Variants in LRATD2 observed in about 807,000 individuals in gnomAD.
LRATD2 encodes LRAT domain containing 2.
A neutral mutation model predicts 12.0 loss-of-function variants in LRATD2; 10 were observed. The ratio of observed to expected loss-of-function variants is 0.83; its 90% CI spans 0.51 to 1.41. LRATD2 has a LOEUF of 1.41. LRATD2 is among the 40% of genes most tolerant of loss of function. The pLI is 0.00. For missense variants in LRATD2, 455 were observed against 446.1 expected, an observed-to-expected ratio of 1.02 and a Z score of -0.18; for synonymous variants, 220 against 205.8, an observed-to-expected ratio of 1.07 and a Z score of -0.59.
Position 126,557,188 on chromosome 8 carries a change from G to C in LRATD2, c.202C>G (p.Pro68Ala). The part of the protein sequence containing the change: ...GLPDGGDGPP[P>A]PQPQPYDPRL... Reference sequence around the variant, plus strand: ...GGATCGTAGGGCTGCGGCTGGGGCGGCGGCGGCCCGTCCCCACCGTCGGGC... The same window carrying C: ...GGATCGTAGGGCTGCGGCTGGGGCGCCGGCGGCCCGTCCCCACCGTCGGGC... The change falls in exon 2 of 2, where the codon CCG becomes GCG. Residue 68 changes from proline (P) to alanine (A), a missense_variant. By Grantham distance (27) the Pro-to-Ala change is conservative (BLOSUM62 -1). Coordinates refer to ENST00000304916, the MANE Select transcript of LRATD2 (RefSeq NM_174911.5). The surrounding 1 kb of genome is among the most constrained non-coding windows in gnomAD (Gnocchi z 5.3). 3 of 1,603,512 alleles carry C rather than the reference G, an allele frequency of 1.9e-6. No individual in the cohort carries two copies. The highest frequency in any genetic ancestry group is 2.6e-6 in the Non-Finnish European group (3 of 1,175,812).
rs1247959601 is a variant in LRATD2, at chr8:126,557,380, G to GGTT, written c.7_9dup (p.Asn3dup). The GGTT allele has an allele frequency of 6.2e-7, 1 of 1,613,352 alleles. No homozygotes were observed. Among genetic ancestry groups the GGTT allele is most frequent in the Non-Finnish European group, 8.5e-7 (1 of 1,179,876 alleles). On this transcript the variant is annotated inframe_insertion, in exon 2 of 2. Transcript: ENST00000304916. The surrounding 1 kb of genome is among the most constrained non-coding windows in gnomAD (Gnocchi z 5.3). ...CTTAGGTGGGTCAATTTCTCCACCT[G>GGTT]GTTGCCCATCACGCTGCGGACACAC...
Position 126,556,644 on chromosome 8 carries a change from T to G in LRATD2, c.746A>C (p.Asp249Ala), listed in dbSNP as rs898960203. The change falls in exon 2 of 2, where the codon GAC becomes GCC. Residue 249 changes from aspartate to alanine, a missense_variant. Physicochemically the swap from Asp to Ala is moderately radical, Grantham distance 126. Coordinates refer to ENST00000304916, the MANE Select transcript of LRATD2 (RefSeq NM_174911.5). This position sits in a 1 kb window ranked among gnomAD's most constrained non-coding sequence, Gnocchi z 5.6. Reference protein sequence around the residue: ...SHTLEFQSLEDLIMEKRRNDQ... With the variant: ...SHTLEFQSLEALIMEKRRNDQ... ...GTTGCGTCGCTTCTCCATGATCAGG[T>G]CCTCTAGACTCTGGAACTCGAGCGT... 2 of 1,611,858 alleles carry G rather than the reference T, an allele frequency of 1.2e-6. No individual in the cohort carries two copies. The highest frequency in any genetic ancestry group is 1.7e-6 in the Non-Finnish European group (2 of 1,179,376).
In LRATD2 at chr8:126,553,625, G is replaced by A. The variant is rs1817325914; in HGVS notation, c.*2832C>T. On this transcript the variant is annotated 3_prime_UTR_variant, in exon 2 of 2. Transcript: ENST00000304916. Reference sequence around the variant, plus strand: ...TGCCGTCTTCAGGAAAGAACCAAGAGTTGATTCATTCCCCTTTCCTGGAGC... The same window carrying A: ...TGCCGTCTTCAGGAAAGAACCAAGAATTGATTCATTCCCCTTTCCTGGAGC... 6.6e-6 allele frequency: 1 copy of A among 152,484 alleles called. No homozygotes were observed. The highest frequency in any genetic ancestry group is 1.5e-5 in the Non-Finnish European group (1 of 68,036). 9.4% of individuals were successfully genotyped at this position (152,484 alleles called of 1,614,324 possible). A position where few individuals can be genotyped will look rare whatever the true frequency, so the allele number is the denominator to read the frequency against.
chr8:126,555,824 G>A lies in LRATD2; in HGVS notation c.*633C>T, dbSNP rs946229501. ...GTAGCAAAGTCTTTGTTTGTAGCCC[G>A]AGTTTGCTTAACTATTTGTTACACT... On this transcript the variant is annotated 3_prime_UTR_variant, in exon 2 of 2. Transcript: ENST00000304916. 1 of 152,662 alleles carries A rather than the reference G, an allele frequency of 6.6e-6. No individual in the cohort carries two copies. Among genetic ancestry groups the A allele is most frequent in the African/African-American group, 2.4e-5 (1 of 41,430 alleles). The allele number at this position is 152,662 out of a possible 1,614,324, so 9.5% of individuals were successfully genotyped here.
In LRATD2 at chr8:126,554,858, C is replaced by G. The variant is rs1349414896; in HGVS notation, c.*1599G>C. The stretch of plus-strand genomic sequence containing the variant: ...CCAAGAGAGGAAAAAAAAAAAAAGA[C>G]GCCTCAAAATTCACTCAACTTTTGA... On this transcript the variant is annotated 3_prime_UTR_variant, in exon 2 of 2. Transcript: ENST00000304916. The G allele has an allele frequency of 6.7e-6, 1 of 149,632 alleles. No homozygotes were observed. Among genetic ancestry groups the G allele is most frequent in the African/African-American group, 2.5e-5 (1 of 40,732 alleles). The allele number at this position is 149,632 out of a possible 1,614,324, so 9.3% of individuals were successfully genotyped here.
rs1817424705 is a variant in LRATD2 at position 126,557,081 on chromosome 8, CGCCGCCGAGCCCGG to C, written c.295_308del (p.Pro99AlafsTer36). 2.5e-6 allele frequency: 4 copies of C among 1,610,246 alleles called. No individual in the cohort carries two copies. ...GGTTCTCGGGCGTGTAGGTACTCAGCGCCGCCGAGCCCGGCGCGAAGCTCTTCTGGTAGATGCAT... is the reference window on the plus strand; with the variant it reads ...GGTTCTCGGGCGTGTAGGTACTCAGCCGCGAAGCTCTTCTGGTAGATGCAT... On this transcript the variant is annotated frameshift_variant, in exon 2 of 2. Coordinates refer to ENST00000304916, the MANE Select transcript of LRATD2 (RefSeq NM_174911.5). LOFTEE classifies it high-confidence loss of function. The surrounding 1 kb of genome is among the most constrained non-coding windows in gnomAD (Gnocchi z 5.3).
In LRATD2 at chr8:126,557,427, G is replaced by A. The variant is rs945224835; in HGVS notation, c.-38C>T. On this transcript the variant is annotated 5_prime_UTR_variant, in exon 2 of 2. Transcript: ENST00000304916. This position sits in a 1 kb window ranked among gnomAD's most constrained non-coding sequence, Gnocchi z 5.3. ...ACACGTTCACACCGCCGCAAGGGGA[G>A]AAAGCGAAACCAACTCCAGGGTCAT... 2.8e-5 allele frequency: 45 copies of A among 1,601,966 alleles called. No individual in the cohort carries two copies. The highest frequency in any genetic ancestry group is 3.6e-5 in the Non-Finnish European group (42 of 1,175,962).
Position 126,557,544 on chromosome 8 carries a change from T to C in LRATD2, c.-96-59A>G. 1 of 816,576 alleles carries C rather than the reference T, an allele frequency of 1.2e-6. No homozygotes were observed. The highest frequency in any genetic ancestry group is 1.9e-6 in the Non-Finnish European group (1 of 524,464). 50.6% of individuals were successfully genotyped at this position (816,576 alleles called of 1,614,324 possible). On this transcript the variant is annotated intron_variant, in intron 1 of 1. Coordinates refer to ENST00000304916, the MANE Select transcript of LRATD2 (RefSeq NM_174911.5). This position sits in a 1 kb window ranked among gnomAD's most constrained non-coding sequence, Gnocchi z 5.3. ...GAGCCCCTCCGTGAAAAGGGCGTTT[T>C]GTTCCGAAAAAGAATCGGTGGGGGC...
rs1817412496 is a variant in LRATD2 at position 126,556,810 on chromosome 8, G to A, written c.580C>T (p.Arg194Cys). 6.2e-7 allele frequency: 1 copy of A among 1,600,224 alleles called. No individual in the cohort carries two copies. The highest frequency in any genetic ancestry group is 1.7e-5 in the Admixed American group (1 of 59,064). The stretch of plus-strand genomic sequence containing the variant: ...TCCGAGTTGCGCCAGCTCAGCTCGC[G>A]CTCCTTGGCACCCACGTGCGCCAGC... Reference protein sequence around the residue: ...NALAHVGAKERELSWRNSESF... With the variant: ...NALAHVGAKECELSWRNSESF... The change falls in exon 2 of 2, where the codon CGC becomes TGC. Residue 194 changes from arginine (R) to cysteine (C), a missense_variant. Arg to Cys is a radical substitution (Grantham distance 180, BLOSUM62 -3). Transcript: ENST00000304916. This position sits in a 1 kb window ranked among gnomAD's most constrained non-coding sequence, Gnocchi z 5.6.
rs1412453685 is a variant in LRATD2 at position 126,558,439 on chromosome 8, C to A, written c.-502G>T. The A allele has an allele frequency of 1.3e-5, 2 of 152,144 alleles. No individual in the cohort carries two copies. The highest frequency in any genetic ancestry group is 3.9e-4 in the East Asian group (2 of 5,152). The allele number at this position is 152,144 out of a possible 1,614,324, so 9.4% of individuals were successfully genotyped here. On this transcript the variant is annotated 5_prime_UTR_variant, in exon 1 of 2. Transcript: ENST00000304916. The stretch of plus-strand genomic sequence containing the variant: ...GGATTGTAGATCCGGCTCCGGGCTC[C>A]CGGGCGGGAGCGCAGCCCGTGGCAT...
rs149018753 is a variant in LRATD2 at position 126,555,782 on chromosome 8, G to A, written c.*675C>T. 1.2e-3 allele frequency: 179 copies of A among 152,786 alleles called. 1 individual carries two copies. Among genetic ancestry groups the A allele is most frequent in the Non-Finnish European group, 1.5e-3 (100 of 68,060 alleles). 9.5% of individuals were successfully genotyped at this position (152,786 alleles called of 1,614,324 possible). Reference sequence around the variant, plus strand: ...AGCTCCAGAAGGCTAATTACTTGGGGGTTGTGGAGGAGGGAGGTAGCAAAG... The same window carrying A: ...AGCTCCAGAAGGCTAATTACTTGGGAGTTGTGGAGGAGGGAGGTAGCAAAG... On this transcript the variant is annotated 3_prime_UTR_variant, in exon 2 of 2. Coordinates refer to ENST00000304916, the MANE Select transcript of LRATD2 (RefSeq NM_174911.5).
chr8:126,556,999 G>C lies in LRATD2; in HGVS notation c.391C>G (p.Pro131Ala). ...LVEFVSQAQY[P>A]HWAVYVGNFQ... is the part of the protein sequence containing the mutation. Reference sequence around the variant, plus strand: ...TTACCCACATATACGGCCCAGTGCGGGTACTGAGCCTGCGACACGAACTCC... The same window carrying C: ...TTACCCACATATACGGCCCAGTGCGCGTACTGAGCCTGCGACACGAACTCC... Residue 131 changes from proline (P) to alanine (A), a missense_variant, in exon 2 of 2, where the codon CCG becomes GCG. Pro to Ala is a conservative substitution (Grantham distance 27). Coordinates refer to ENST00000304916, the MANE Select transcript of LRATD2 (RefSeq NM_174911.5). This position sits in a 1 kb window ranked among gnomAD's most constrained non-coding sequence, Gnocchi z 5.6. 1 of 1,607,648 alleles carries C rather than the reference G, an allele frequency of 6.2e-7. No homozygotes were observed. The highest frequency in any genetic ancestry group is 8.5e-7 in the Non-Finnish European group (1 of 1,179,966).
Position 126,552,641 on chromosome 8 carries a change from T to C in LRATD2, c.*3816A>G, listed in dbSNP as rs1314583581. 2 of 152,614 alleles carry C rather than the reference T, an allele frequency of 1.3e-5. No individual in the cohort carries two copies. The highest frequency in any genetic ancestry group is 2.9e-5 in the Non-Finnish European group (2 of 68,038). The allele number at this position is 152,614 out of a possible 1,614,324, so 9.5% of individuals were successfully genotyped here. A position where few individuals can be genotyped will look rare whatever the true frequency, so the allele number is the denominator to read the frequency against. On this transcript the variant is annotated 3_prime_UTR_variant, in exon 2 of 2. Transcript: ENST00000304916. Reference sequence around the variant, plus strand: ...GGAACTTCCTTCTCAAGAAGTGATATAAGAATGTAACATTGATTTAACATA... The same window carrying C: ...GGAACTTCCTTCTCAAGAAGTGATACAAGAATGTAACATTGATTTAACATA...
In LRATD2 at chr8:126,556,193, C is replaced by G; in HGVS notation, c.*264G>C. On this transcript the variant is annotated 3_prime_UTR_variant, in exon 2 of 2. Coordinates refer to ENST00000304916, the MANE Select transcript of LRATD2 (RefSeq NM_174911.5). This position sits in a 1 kb window ranked among gnomAD's most constrained non-coding sequence, Gnocchi z 5.6. ...GTGCCAGGCAAGTCCACAGTTTGCT[C>G]CACCGCGGAGAGGAAGACAGACAGG... The G allele has an allele frequency of 1.0e-5, 5 of 487,332 alleles. No individual in the cohort carries two copies. 30.2% of individuals were successfully genotyped at this position (487,332 alleles called of 1,614,324 possible).
Position 126,554,523 on chromosome 8 carries a change from G to C in LRATD2, c.*1934C>G, listed in dbSNP as rs1817345396. 6.6e-6 allele frequency: 1 copy of C among 152,226 alleles called. No individual in the cohort carries two copies. Among genetic ancestry groups the C allele is most frequent in the African/African-American group, 2.4e-5 (1 of 41,448 alleles). 9.4% of individuals were successfully genotyped at this position (152,226 alleles called of 1,614,324 possible). A position where few individuals can be genotyped will look rare whatever the true frequency, so the allele number is the denominator to read the frequency against. ...CCTCCAAAGTCCCAGACCAGGGCTA[G>C]AATGTGGTTCATTTTTAACAATCAA... On this transcript the variant is annotated 3_prime_UTR_variant, in exon 2 of 2. Transcript: ENST00000304916.
rs576789380 is a variant in LRATD2 at position 126,556,567 on chromosome 8, G to A, written c.823C>T (p.Pro275Ser). 2.5e-6 allele frequency: 4 copies of A among 1,607,746 alleles called. No individual in the cohort carries two copies. The highest frequency in any genetic ancestry group is 3.4e-6 in the Non-Finnish European group (4 of 1,177,504). ...CTGTCGCCCTCCTCCGGCTCCGCCG[G>A]GTGCAGGTGCGTGGCGAGCTCCTGC... Reference protein sequence around the residue: ...VLQELATHLHPAEPEEGDSNV... With the variant: ...VLQELATHLHSAEPEEGDSNV... The change falls in exon 2 of 2, where the codon CCG becomes TCG. Residue 275 changes from proline to serine, a missense_variant. By Grantham distance (74) the Pro-to-Ser change is moderately conservative. Transcript: ENST00000304916. This position sits in a 1 kb window ranked among gnomAD's most constrained non-coding sequence, Gnocchi z 5.6.
At position 126,557,358 on chromosome 8, in the gene LRATD2, A is replaced by G. The variant is rs561026358; in HGVS notation, c.32T>C (p.Leu11Pro). Residue 11 changes from leucine to proline, a missense_variant, in exon 2 of 2, where the codon CTA (leucine) becomes CCA (proline). Physicochemically the swap from Leu to Pro is moderately conservative, Grantham distance 98. Transcript: ENST00000304916. The surrounding 1 kb of genome is among the most constrained non-coding windows in gnomAD (Gnocchi z 5.3). ...GGCCGTGGGAACTTCCTTGTAACTT[A>G]GGTGGGTCAATTTCTCCACCTGGTT... The part of the protein sequence containing the change: MGNQVEKLTH[L>P]SYKEVPTADP... 14 of 1,613,582 alleles carry G rather than the reference A, an allele frequency of 8.7e-6. No homozygotes were observed. The South Asian group carries it at 1.2e-4, about 14-fold the overall frequency.
rs1209225304 is a variant in LRATD2, at chr8:126,557,085, G to T, written c.305C>A (p.Ala102Glu). Residue 102 changes from alanine to glutamate, a missense_variant, in exon 2 of 2, where the codon GCG becomes GAG. Coordinates refer to ENST00000304916, the MANE Select transcript of LRATD2 (RefSeq NM_174911.5). This position sits in a 1 kb window ranked among gnomAD's most constrained non-coding sequence, Gnocchi z 5.3. Reference protein sequence around the residue: ...IYQKSFAPGSAALSTYTPENL... With the variant: ...IYQKSFAPGSEALSTYTPENL... ...CTCGGGCGTGTAGGTACTCAGCGCCGCCGAGCCCGGCGCGAAGCTCTTCTG... is the reference window on the plus strand; with the variant it reads ...CTCGGGCGTGTAGGTACTCAGCGCCTCCGAGCCCGGCGCGAAGCTCTTCTG... The T allele has an allele frequency of 1.2e-6, 2 of 1,610,802 alleles. No homozygotes were observed. The highest frequency in any genetic ancestry group is 1.1e-5 in the South Asian group (1 of 91,090).
Position 126,557,821 on chromosome 8 carries a change from T to G in LRATD2, c.-97+213A>C. 1 of 170,956 alleles carries G rather than the reference T, an allele frequency of 5.8e-6. No individual in the cohort carries two copies. The highest frequency in any genetic ancestry group is 1.2e-5 in the Non-Finnish European group (1 of 81,776). The allele number at this position is 170,956 out of a possible 1,614,324, so 10.6% of individuals were successfully genotyped here. Reference sequence around the variant, plus strand: ...TACGCCAATCCCCCCCCTCCTCTGCTAACTTCCCCTCCCACCCTCGGGCCC... The same window carrying G: ...TACGCCAATCCCCCCCCTCCTCTGCGAACTTCCCCTCCCACCCTCGGGCCC... On this transcript the variant is annotated intron_variant, in intron 1 of 1. Coordinates refer to ENST00000304916, the MANE Select transcript of LRATD2 (RefSeq NM_174911.5). The surrounding 1 kb of genome is among the most constrained non-coding windows in gnomAD (Gnocchi z 5.3).
Sources: gnomAD v4.1 joint callset for allele counts on GRCh38, gnomAD v4.1.1 for gene constraint, Gnocchi (gnomAD v3.1) non-coding constraint, MANE v1.5 for transcripts, NCBI Gene and HGNC (gene_info 2026-07-23, HGNC 2026-07-21) for gene names.